Variants in DOCK1 observed in about 807,000 individuals in gnomAD.
DOCK1 encodes dedicator of cytokinesis 1.
DOCK1 carries 138 observed loss-of-function variants against 262.7 expected under a neutral mutation model. The observed-to-expected ratio is 0.53, with a 90% CI of 0.46 to 0.61. DOCK1 has a LOEUF of 0.61. Ranked by LOEUF, DOCK1 falls within the 20% of genes least tolerant of loss-of-function variation. The pLI is 0.00. For synonymous variants in DOCK1, 866 were observed against 867.4 expected, an observed-to-expected ratio of 1.00 and a Z score of 0.03; for missense variants, 1,908 against 2,370.7, an observed-to-expected ratio of 0.80 and a Z score of 4.05.
chr10:126,932,434 AATCAACAGGCTG>A (rs1345292230), intron 1 of DOCK1, among the ~76,000 whole-genome samples: 2 of 152,324 alleles, frequency 1.3e-5, no homozygotes, highest in East Asian at 3.9e-4. Flanking sequence ...GACTAAACCC[AATCAACAGGCTG>A]ATAGGATTTC....
intron 1 of DOCK1, among the ~76,000 whole-genome samples, chr10:126,951,901 G>A (rs2036283422): frequency 6.7e-6 from 1 of 149,934 alleles, no homozygotes; most frequent in Non-Finnish European, 1.5e-5. Context: ...CCAGGCTGGA[G>A]TGCAGTGGTG....
intron 29 of DOCK1, among the ~76,000 whole-genome samples, chr10:127,286,740 T>C (rs2135328616): frequency 6.6e-6 from 1 of 152,294 alleles, no homozygotes; most frequent in East Asian, 1.9e-4. Flanking sequence ...CCTTAGAAAA[T>C]GTTGTTTTAT....
intron 27 of DOCK1, among the ~76,000 whole-genome samples, chr10:127,212,497 G>T (rs1394393857): frequency 6.6e-6 from 1 of 152,120 alleles, no homozygotes; most frequent in Non-Finnish European, 1.5e-5. Flanking sequence ...TCAGCGGGCA[G>T]GTGCGAACGG....
chr10:127,380,742 C>A (rs1458658045), intron 36 of DOCK1, among the ~76,000 whole-genome samples: 1 of 152,192 alleles, frequency 6.6e-6, no homozygotes, highest in Non-Finnish European at 1.5e-5. Context: ...ATGTAACCTA[C>A]ACAGCATGAG....
At chr10:127,014,646 C>A (rs1479680564) in intron 12 of DOCK1, among the ~76,000 whole-genome samples, 1 of 152,188 alleles carries the variant, frequency 6.6e-6, no homozygotes, top group Non-Finnish European at 1.5e-5. Flanking sequence ...GACATTCATT[C>A]TCCAGGGAGG....
chr10:127,013,967 C>T (rs960173707), intron 12 of DOCK1, among the ~76,000 whole-genome samples: 19 of 152,214 alleles, frequency 1.2e-4, no homozygotes, highest in Non-Finnish European at 4.4e-5. Context: ...CCAGGCTTAA[C>T]CTGATCCTTG....
At chr10:127,162,671 G>A (rs558864880) in intron 27 of DOCK1, among the ~76,000 whole-genome samples, 22 of 152,124 alleles carry the variant, frequency 1.4e-4, no homozygotes, top group Non-Finnish European at 3.1e-4. Flanking sequence ...AACATGTCAG[G>A]ATAATTTTCA....
intron 27 of DOCK1, among the ~76,000 whole-genome samples, chr10:127,195,829 C>T (rs1403773243): frequency 6.6e-6 from 1 of 152,166 alleles, no homozygotes; most frequent in African/African-American, 2.4e-5. Context: ...CTCCCGGCTG[C>T]ACCGGGGTGT....
chr10:127,223,566 C>T (rs578042056), intron 27 of DOCK1, among the ~76,000 whole-genome samples: 29 of 152,176 alleles, frequency 1.9e-4, no homozygotes, highest in African/African-American at 5.8e-4. Context: ...GATATTGAAC[C>T]GGTAAGTATA....
At position 127,292,534 on chromosome 10, in the gene DOCK1, G is replaced by A. The variant is rs547630466; in HGVS notation, c.3044+35105G>A. Among the ~76,000 whole-genome samples the A allele has an allele frequency of 2.6e-5, 4 of 152,272 alleles. No individual in the cohort carries two copies. In the South Asian group the frequency reaches 8.3e-4, roughly 32 times the overall value. On this transcript the variant is annotated intron_variant, in intron 29 of 51. Transcript: ENST00000623213. ...AGCATGCCTAGGAGAGGAGCAAACA[G>A]GGGCCTTGGGGCTGTGGAGTCATGC...
chr10:127,262,992 G>T (rs993673163), intron 29 of DOCK1, among the ~76,000 whole-genome samples: 1 of 152,174 alleles, frequency 6.6e-6, no homozygotes, highest in African/African-American at 2.4e-5. Context: ...CCAGAGCCGT[G>T]CCTGAGCCAC....
At chr10:127,346,187 G>A (rs551124919) in intron 31 of DOCK1, among the ~76,000 whole-genome samples, 1 of 152,338 alleles carries the variant, frequency 6.6e-6, no homozygotes, top group African/African-American at 2.4e-5. Flanking sequence ...TGCCTCAAAA[G>A]AGCTGGCATC....
At chr10:127,184,590 A>G (rs933542945) in intron 27 of DOCK1, among the ~76,000 whole-genome samples, 2 of 151,406 alleles carry the variant, frequency 1.3e-5, no homozygotes, top group African/African-American at 4.9e-5. Flanking sequence ...ACTTCCAAAG[A>G]GTCTCTTATT....
At position 127,261,274 on chromosome 10, in the gene DOCK1, T is replaced by C. The variant is rs866389602; in HGVS notation, c.3044+3845T>C. Among the ~76,000 whole-genome samples the C allele has an allele frequency of 6.2e-4, 79 of 126,828 alleles. 1 individual carries two copies. The highest frequency in any genetic ancestry group is 4.8e-3 in the Middle Eastern group (1 of 210). The allele number at this position is 126,828 out of a possible 152,430, so 83.2% of individuals were successfully genotyped here. A position where few individuals can be genotyped will look rare whatever the true frequency, so the allele number is the denominator to read the frequency against. On this transcript the variant is annotated intron_variant, in intron 29 of 51. Transcript: ENST00000623213. Reference sequence around the variant, plus strand: ...GTGTGTGCATGTGGGTGTGTGTGTGTGCCTGCATGTGTGTGCATGTGGGTG... The same window carrying C: ...GTGTGTGCATGTGGGTGTGTGTGTGCGCCTGCATGTGTGTGCATGTGGGTG...
At chr10:127,178,064 C>T (rs1322166444) in intron 27 of DOCK1, among the ~76,000 whole-genome samples, 1 of 152,126 alleles carries the variant, frequency 6.6e-6, no homozygotes, top group Non-Finnish European at 1.5e-5. Context: ...GCATGACAGG[C>T]CGAGGTGCAC....
chr10:127,008,687 A>G, intron 10 of DOCK1, 45 bp from the exon 11 acceptor site: 1 of 1,481,946 alleles, frequency 6.7e-7, no homozygotes, highest in East Asian at 2.4e-5. Context: ...TTCTGTGATT[A>G]TAGCATTTAA....
intron 1 of DOCK1, among the ~76,000 whole-genome samples, chr10:126,918,751 G>A (rs2032810031): frequency 6.6e-6 from 1 of 152,160 alleles, no homozygotes; most frequent in African/African-American, 2.4e-5. Flanking sequence ...CCTAACTCAT[G>A]GTAAACACTC....
At chr10:127,070,147 C>G (rs899413684) in intron 23 of DOCK1, among the ~76,000 whole-genome samples, 4 of 151,902 alleles carry the variant, frequency 2.6e-5, no homozygotes, top group African/African-American at 9.7e-5. Flanking sequence ...AAATTCAGGG[C>G]CAACTCTACT....
chr10:127,003,144 A>G (rs1565051616), intron 10 of DOCK1, among the ~76,000 whole-genome samples: 1 of 150,828 alleles, frequency 6.6e-6, no homozygotes, highest in African/African-American at 2.5e-5. Flanking sequence ...ACCTGCATGA[A>G]CCTGTGTGAA....
Sources: gnomAD v4.1 joint callset for allele counts (sites outside exome capture counted in the v4.1 genomes callset) on GRCh38, gnomAD v4.1.1 for gene constraint, MANE v1.5 for transcripts, NCBI Gene and HGNC (gene_info 2026-07-23, HGNC 2026-07-21) for gene names.